Variants in SRD5A2 observed in about 807,000 individuals in gnomAD.
SRD5A2 encodes the protein 3-oxo-5-alpha-steroid 4-dehydrogenase 2.
SRD5A2 carries 30 observed loss-of-function variants against 27.4 expected under a neutral mutation model. That is an observed-to-expected ratio of 1.10 (90% CI 0.82 to 1.49). The LOEUF is 1.49. Among genes scored for constraint, SRD5A2 ranks in the 40% most tolerant of loss-of-function variants. The pLI is 0.00. For missense variants in SRD5A2, 348 were observed against 323.4 expected, an observed-to-expected ratio of 1.08 and a Z score of -0.58; for synonymous variants, 141 against 133.6, an observed-to-expected ratio of 1.06 and a Z score of -0.38.
the SRD5A2 span, among the ~76,000 whole-genome samples, chr2:31,654,507 T>C: frequency 1.2e-4 from 18 of 152,212 alleles, no homozygotes; most frequent in Non-Finnish European, 2.2e-4. Flanking sequence ...AAGCATTTGC[T>C]GCATGAATTT....
chr2:31,628,378 G>A, the SRD5A2 span, among the ~76,000 whole-genome samples: 1 of 151,998 alleles, frequency 6.6e-6, no homozygotes, highest in Non-Finnish European at 1.5e-5. Flanking sequence ...CATGTACAAT[G>A]GGCCTCTCGA....
chr2:31,562,514 A>C (rs368338004), intron 1 of SRD5A2, among the ~76,000 whole-genome samples: 7 of 152,258 alleles, frequency 4.6e-5, no homozygotes, highest in African/African-American at 1.7e-4. Context: ...TAACAATCCC[A>C]AGTCTTCTGA....
chr2:31,530,612 T>C (rs774388953), intron 3 of SRD5A2, among the ~76,000 whole-genome samples: 2 of 152,248 alleles, frequency 1.3e-5, no homozygotes, highest in African/African-American at 2.4e-5. Flanking sequence ...AATCAATGAC[T>C]ATTAATGTGC....
the SRD5A2 span, among the ~76,000 whole-genome samples, chr2:31,637,622 A>C: frequency 6.6e-6 from 1 of 152,000 alleles, no homozygotes; most frequent in Non-Finnish European, 1.5e-5. Flanking sequence ...TACTCTGCCT[A>C]TGGGATATCC....
At chr2:31,619,872 T>A in the SRD5A2 span, among the ~76,000 whole-genome samples, 2 of 152,188 alleles carry the variant, frequency 1.3e-5, no homozygotes, top group Non-Finnish European at 2.9e-5. Flanking sequence ...GCAAAATATT[T>A]CTCCCATTCT....
chr2:31,647,109 C>A, the SRD5A2 span, among the ~76,000 whole-genome samples: 1 of 152,082 alleles, frequency 6.6e-6, no homozygotes, highest in African/African-American at 2.4e-5. Flanking sequence ...CACACCACTG[C>A]ACTCCAGCCT....
At chr2:31,653,127 C>A in the SRD5A2 span, among the ~76,000 whole-genome samples, 13 of 152,274 alleles carry the variant, frequency 8.5e-5, no homozygotes, top group African/African-American at 2.9e-4. Context: ...CACCCCCAGT[C>A]CCCTAGAGCC....
At chr2:31,599,397 C>T in the SRD5A2 span, among the ~76,000 whole-genome samples, 1 of 151,840 alleles carries the variant, frequency 6.6e-6, no homozygotes, top group Non-Finnish European at 1.5e-5. Flanking sequence ...TCAAAATGGG[C>T]CATATGTTAG....
chr2:31,531,487 G>C lies in SRD5A2; in HGVS notation c.446-15C>G. Reference sequence around the variant, plus strand: ...TAAGAAGACACCTTGACAAAGAAGAGAGAAAGGAGAAATTTTTTTTAAATG... The same window carrying C: ...TAAGAAGACACCTTGACAAAGAAGACAGAAAGGAGAAATTTTTTTTAAATG... On this transcript the variant is annotated splice_polypyrimidine_tract_variant and intron_variant, in intron 2 of 4. Transcript: ENST00000622030. 1 of 1,545,896 alleles carries C rather than the reference G, an allele frequency of 6.5e-7. No individual in the cohort carries two copies. The highest frequency in any genetic ancestry group is 8.8e-7 in the Non-Finnish European group (1 of 1,136,588).
the SRD5A2 span, among the ~76,000 whole-genome samples, chr2:31,632,658 C>T: frequency 6.6e-6 from 1 of 152,172 alleles, no homozygotes; most frequent in Non-Finnish European, 1.5e-5. Flanking sequence ...TCCTCCAGAT[C>T]TGTCACTATC....
chr2:31,610,215 C>A, the SRD5A2 span, among the ~76,000 whole-genome samples: 1 of 152,060 alleles, frequency 6.6e-6, no homozygotes, highest in East Asian at 1.9e-4. Context: ...AAGGATACTA[C>A]AAGAAAGAAA....
the SRD5A2 span, among the ~76,000 whole-genome samples, chr2:31,647,380 A>G: frequency 6.6e-6 from 1 of 152,160 alleles, no homozygotes; most frequent in African/African-American, 2.4e-5. Flanking sequence ...AGTAATATTA[A>G]TCAAATCTGA....
At chr2:31,613,514 A>G in the SRD5A2 span, among the ~76,000 whole-genome samples, 4 of 152,236 alleles carry the variant, frequency 2.6e-5, no homozygotes, top group Non-Finnish European at 5.9e-5. Context: ...ACAAATGATA[A>G]CAAATGTTGA....
chr2:31,580,497 C>T (rs1031334872), intron 1 of SRD5A2, 123 bp downstream of exon 1: 5 of 1,248,064 alleles, frequency 4.0e-6, no homozygotes, highest in Non-Finnish European at 5.3e-6. Context: ...CTGGCCTCCG[C>T]GTTCCTCACA....
At chr2:31,541,478 T>C (rs899633322) in intron 1 of SRD5A2, among the ~76,000 whole-genome samples, 1 of 152,126 alleles carries the variant, frequency 6.6e-6, no homozygotes, top group Non-Finnish European at 1.5e-5. Flanking sequence ...AATAACTGTC[T>C]TGAAGATACT....
intron 1 of SRD5A2, among the ~76,000 whole-genome samples, chr2:31,555,202 A>G (rs1666470413): frequency 6.6e-6 from 1 of 151,698 alleles, no homozygotes; most frequent in African/African-American, 2.4e-5. Flanking sequence ...CCAGGTTTGG[A>G]TTTCAGACAT....
At chr2:31,543,457 C>A (rs1666179189) in intron 1 of SRD5A2, among the ~76,000 whole-genome samples, 1 of 152,090 alleles carries the variant, frequency 6.6e-6, no homozygotes, top group South Asian at 2.1e-4. Context: ...ATTTAAGAAA[C>A]TAATACTTTT....
upstream of SRD5A2, chr2:31,580,962 C>A (rs632148): frequency 2.0e-6 from 3 of 1,529,332 alleles, no homozygotes; most frequent in African/African-American, 4.1e-5. Context: ...CCCCGCAACC[C>A]CTTTATGGAG....
At chr2:31,542,230 T>G (rs1192276513) in intron 1 of SRD5A2, among the ~76,000 whole-genome samples, 1 of 152,244 alleles carries the variant, frequency 6.6e-6, no homozygotes, top group Non-Finnish European at 1.5e-5. Flanking sequence ...GTGATTATTA[T>G]GCACTGCATG....
Sources: allele counts gnomAD v4.1 joint callset (sites outside exome capture counted in the v4.1 genomes callset), GRCh38; gene constraint gnomAD v4.1.1; transcripts MANE v1.5; gene names NCBI Gene and HGNC (gene_info 2026-07-23, HGNC 2026-07-21).